CACNA2D3: variants seen among roughly 807,000 people sequenced by gnomAD.
CACNA2D3 encodes calcium voltage-gated channel auxiliary subunit alpha2delta 3.
A neutral mutation model predicts 160.6 loss-of-function variants in CACNA2D3; 60 were observed. The observed-to-expected ratio is 0.37, with a 90% CI of 0.30 to 0.46. The LOEUF (loss-of-function observed/expected upper bound fraction) is 0.46, where lower values mean the gene tolerates loss of function less well. Among genes scored for constraint, CACNA2D3 ranks in the 20% least tolerant of loss-of-function variants. CACNA2D3 has a pLI of 1.00. For missense variants in CACNA2D3, 1,205 were observed against 1,365.0 expected, an observed-to-expected ratio of 0.88 and a Z score of 1.85; for synonymous variants, 558 against 492.9, an observed-to-expected ratio of 1.13 and a Z score of -1.75.
chr3:54,993,262 A>G (rs564926767), intron 31 of CACNA2D3, among the ~76,000 whole-genome samples: 28 of 152,372 alleles, frequency 1.8e-4, no homozygotes, highest in African/African-American at 5.8e-4. Context: ...CAGCAAGGAT[A>G]ACACTCTGGG....
At chr3:54,897,144 TGTCA>T (rs1700210014) in intron 26 of CACNA2D3, among the ~76,000 whole-genome samples, 1 of 152,192 alleles carries the variant, frequency 6.6e-6, no homozygotes, top group Admixed American at 6.5e-5. Context: ...AATAGAAACT[TGTCA>T]GTCAGTTTTT....
intron 11 of CACNA2D3, among the ~76,000 whole-genome samples, chr3:54,742,444 A>G (rs1701671315): frequency 6.6e-6 from 1 of 152,052 alleles, no homozygotes; most frequent in East Asian, 1.9e-4. Flanking sequence ...ATAAATAAAT[A>G]AAATCAAGTA....
At chr3:54,149,569 C>T (rs1435825064) in intron 2 of CACNA2D3, among the ~76,000 whole-genome samples, 1 of 152,122 alleles carries the variant, frequency 6.6e-6, no homozygotes, top group Non-Finnish European at 1.5e-5. Context: ...CAGACTCCTC[C>T]TCTCTTTGAG....
chr3:54,805,614 A>G (rs991128764), intron 13 of CACNA2D3, among the ~76,000 whole-genome samples: 3 of 152,202 alleles, frequency 2.0e-5, no homozygotes, highest in South Asian at 2.1e-4. Flanking sequence ...GCCGAATTCT[A>G]CCAGAGGTAC....
intron 4 of CACNA2D3, among the ~76,000 whole-genome samples, chr3:54,424,409 A>T (rs1699883366): frequency 6.6e-6 from 1 of 152,220 alleles, no homozygotes. Context: ...TTTTCAAAGG[A>T]GGCCACAGAA....
At chr3:54,640,061 C>G (rs1699481424) in intron 10 of CACNA2D3, among the ~76,000 whole-genome samples, 2 of 152,200 alleles carry the variant, frequency 1.3e-5, no homozygotes, top group African/African-American at 4.8e-5. Context: ...ATTTACACTT[C>G]TTTTGTGGTG....
At chr3:54,991,906 T>TCAAAAGG (rs1361968700) in intron 31 of CACNA2D3, among the ~76,000 whole-genome samples, 1 of 152,044 alleles carries the variant, frequency 6.6e-6, no homozygotes, top group African/African-American at 2.4e-5. Context: ...TTGAGTAGAG[T>TCAAAAGG]TCCATATGTC....
chr3:54,401,419 A>G (rs2106699706), intron 4 of CACNA2D3, among the ~76,000 whole-genome samples: 1 of 152,326 alleles, frequency 6.6e-6, no homozygotes, highest in Non-Finnish European at 1.5e-5. Flanking sequence ...AAACAAGTTC[A>G]ACCCAAAGTG....
At chr3:54,607,353 T>C (rs537588885) in intron 9 of CACNA2D3, among the ~76,000 whole-genome samples, 1 of 152,182 alleles carries the variant, frequency 6.6e-6, no homozygotes, top group East Asian at 1.9e-4. Flanking sequence ...AGAGTCTCAC[T>C]CTCTGTCACC....
chr3:55,052,431 CAT>C (rs1198606216), intron 35 of CACNA2D3, among the ~76,000 whole-genome samples: 5 of 145,470 alleles, frequency 3.4e-5, no homozygotes, highest in African/African-American at 1.3e-4. Context: ...TATATATACA[CAT>C]ATATATGTAT....
intron 13 of CACNA2D3, among the ~76,000 whole-genome samples, chr3:54,775,487 A>G (rs1702409851): frequency 6.6e-6 from 1 of 152,114 alleles, no homozygotes; most frequent in African/African-American, 2.4e-5. Context: ...CTTTCCTTGC[A>G]CTGCAGAGCC....
intron 9 of CACNA2D3, among the ~76,000 whole-genome samples, chr3:54,609,482 C>A (rs1326200665): frequency 6.6e-6 from 1 of 152,166 alleles, no homozygotes; most frequent in African/African-American, 2.4e-5. Flanking sequence ...GGAAACCTGG[C>A]ATCTAACCAT....
At chr3:54,778,907 C>T (rs1702476943) in intron 13 of CACNA2D3, among the ~76,000 whole-genome samples, 1 of 152,302 alleles carries the variant, frequency 6.6e-6, no homozygotes, top group South Asian at 2.1e-4. Context: ...CTGGGCTTCT[C>T]TCTCAGGTAC....
intron 8 of CACNA2D3, among the ~76,000 whole-genome samples, chr3:54,579,717 G>A (rs1291350373): frequency 6.6e-6 from 1 of 152,092 alleles, no homozygotes; most frequent in Non-Finnish European, 1.5e-5. Context: ...CAACTTCCAG[G>A]GTCAGTCCAA....
intron 13 of CACNA2D3, among the ~76,000 whole-genome samples, chr3:54,810,769 G>A (rs780482935): frequency 2.6e-4 from 39 of 152,182 alleles, no homozygotes; most frequent in Non-Finnish European, 1.6e-4. Context: ...TTGGAACTTC[G>A]TTGAGCTAGA....
At position 54,885,077 on chromosome 3, in the gene CACNA2D3, T is replaced by A. The variant is rs146686508; in HGVS notation, c.1913-204T>A. Among the ~76,000 whole-genome samples the A allele has an allele frequency of 1.8e-3, 277 of 152,090 alleles. 2 individuals are homozygous for A. The highest frequency in any genetic ancestry group is 6.8e-3 in the Middle Eastern group (2 of 294). On this transcript the variant is annotated intron_variant, in intron 21 of 37. Transcript: ENST00000474759. ...GGGAAGGTGGCAGTGCTGGGCTGAG[T>A]GAGGTAGAGATGGGGAGAGAGTCCT... is the stretch of plus-strand genomic sequence containing the variant.
chr3:54,774,627 C>G (rs910704385), intron 13 of CACNA2D3, among the ~76,000 whole-genome samples: 2 of 114,246 alleles, frequency 1.8e-5, no homozygotes, highest in Non-Finnish European at 3.7e-5. Context: ...TGCTCTTTGA[C>G]TATTTTTTTT....
At chr3:54,382,809 C>G (rs1264162796) in intron 3 of CACNA2D3, among the ~76,000 whole-genome samples, 1 of 152,212 alleles carries the variant, frequency 6.6e-6, no homozygotes, top group Non-Finnish European at 1.5e-5. Context: ...CAAAGCAAAA[C>G]AAAACACAGT....
intron 33 of CACNA2D3, 24 bp from the exon 34 acceptor site, chr3:55,009,364 T>G (rs1248216992): frequency 2.5e-6 from 4 of 1,611,088 alleles, no homozygotes; most frequent in Non-Finnish European, 3.4e-6. Context: ...GAAGTAACAT[T>G]GGGCTTTTCC....
Sources: allele counts gnomAD v4.1 joint callset (sites outside exome capture counted in the v4.1 genomes callset), GRCh38; gene constraint gnomAD v4.1.1; transcripts MANE v1.5; gene names NCBI Gene and HGNC (gene_info 2026-07-23, HGNC 2026-07-21).